Variants in SLC9A9 observed in about 807,000 individuals in gnomAD.
SLC9A9 encodes sodium/hydrogen exchanger 9.
A neutral mutation model predicts 77.8 loss-of-function variants in SLC9A9; 62 were observed. The ratio of observed to expected loss-of-function variants is 0.80; its 90% confidence interval spans 0.65 to 0.98. The LOEUF (loss-of-function observed/expected upper bound fraction) is 0.98. Ranked by LOEUF, SLC9A9 falls within the 50% of genes least tolerant of loss-of-function variation. The probability of loss-of-function intolerance (pLI) is 0.00; values close to 1 mark genes in which losing one functional copy is unlikely to be tolerated. For missense variants in SLC9A9, 775 were observed against 774.9 expected, an observed-to-expected ratio of 1.00 and a Z score of 0.00; for synonymous variants, 320 against 283.5, an observed-to-expected ratio of 1.13 and a Z score of -1.29.
At chr3:143,847,680 G>A (rs1003158473) in intron 1 of SLC9A9, 1 of 166,350 alleles carries the variant, frequency 6.0e-6, no homozygotes, top group Non-Finnish European at 1.3e-5. Context: ...CTTAAGAGGG[G>A]TGGGGTTAGT....
chr3:143,307,192 A>G (rs2030823458), intron 14 of SLC9A9, among the ~76,000 whole-genome samples: 1 of 152,164 alleles, frequency 6.6e-6, no homozygotes, highest in African/African-American at 2.4e-5. Flanking sequence ...TGGCAGATTG[A>G]TATTAGCTAT....
chr3:143,293,821 A>G (rs1240357469), intron 14 of SLC9A9, among the ~76,000 whole-genome samples: 1 of 152,200 alleles, frequency 6.6e-6, no homozygotes, highest in Non-Finnish European at 1.5e-5. Context: ...AGTATTTACT[A>G]ATACTGAAGA....
chr3:143,761,401 A>G (rs547229128), intron 4 of SLC9A9, among the ~76,000 whole-genome samples: 5 of 152,354 alleles, frequency 3.3e-5, no homozygotes, highest in African/African-American at 9.6e-5. Flanking sequence ...CAGAGTGAAC[A>G]GGCAACCTAC....
Position 143,479,168 on chromosome 3 carries a change from T to C in SLC9A9, c.1316-11978A>G, listed in dbSNP as rs144873955. ...AATGTCTAAGCAGATTGTGACAATT[T>C]ATATGTGTGAACTTGTTGGGGTGGG... On this transcript the variant is annotated intron_variant, in intron 11 of 15. Transcript: ENST00000316549. Among the ~76,000 whole-genome samples, 25 of 152,376 alleles carry C rather than the reference T, an allele frequency of 1.6e-4. No individual in the cohort carries two copies. The East Asian group carries it at 4.8e-3, about 29-fold the overall frequency.
At chr3:143,379,674 A>G (rs909605881) in intron 13 of SLC9A9, among the ~76,000 whole-genome samples, 1 of 152,206 alleles carries the variant, frequency 6.6e-6, no homozygotes, top group Non-Finnish European at 1.5e-5. Context: ...CTTTAAAAAC[A>G]TAGTGATGTT....
intron 11 of SLC9A9, among the ~76,000 whole-genome samples, chr3:143,476,025 T>A (rs1478393497): frequency 9.3e-6 from 1 of 106,978 alleles, no homozygotes; most frequent in South Asian, 2.7e-4. Flanking sequence ...AGTCTTATTA[T>A]CAATCTGTTA....
intron 6 of SLC9A9, among the ~76,000 whole-genome samples, chr3:143,648,521 T>C (rs1193012742): frequency 6.6e-6 from 1 of 152,234 alleles, no homozygotes; most frequent in African/African-American, 2.4e-5. Flanking sequence ...TGTGGCCCAG[T>C]TCCTAACAGG....
At chr3:143,439,467 A>G (rs371901842) in intron 12 of SLC9A9, among the ~76,000 whole-genome samples, 11 of 117,224 alleles carry the variant, frequency 9.4e-5, no homozygotes, top group African/African-American at 3.6e-4. Flanking sequence ...GACCGTGGAG[A>G]AGAAGTCACC....
intron 14 of SLC9A9, among the ~76,000 whole-genome samples, chr3:143,353,891 T>C (rs999342976): frequency 1.3e-5 from 2 of 152,206 alleles, no homozygotes; most frequent in Non-Finnish European, 2.9e-5. Context: ...CAATAAGATC[T>C]GTGACAGAAA....
At chr3:143,604,167 T>C (rs937256858) in intron 6 of SLC9A9, among the ~76,000 whole-genome samples, 37 of 152,222 alleles carry the variant, frequency 2.4e-4, no homozygotes, top group African/African-American at 8.9e-4. Flanking sequence ...CACATTTTTT[T>C]TAAGAAAGTG....
At chr3:143,316,812 C>T (rs1354509834) in intron 14 of SLC9A9, among the ~76,000 whole-genome samples, 1 of 152,092 alleles carries the variant, frequency 6.6e-6, no homozygotes, top group African/African-American at 2.4e-5. Context: ...GCACTTAAGA[C>T]GTTTTACCAG....
chr3:143,487,987 T>C (rs1023695198), intron 11 of SLC9A9, among the ~76,000 whole-genome samples: 3 of 151,742 alleles, frequency 2.0e-5, no homozygotes, highest in African/African-American at 7.2e-5. Context: ...TTGACAAACC[T>C]TTAACTAGAT....
chr3:143,815,315 C>T (rs767707890), intron 2 of SLC9A9, among the ~76,000 whole-genome samples: 3 of 152,108 alleles, frequency 2.0e-5, no homozygotes, highest in African/African-American at 7.2e-5. Context: ...ACATGGCAGG[C>T]ACTTGTCAAA....
At chr3:143,402,482 ACTTT>A (rs2033885535) in intron 12 of SLC9A9, among the ~76,000 whole-genome samples, 2 of 137,294 alleles carry the variant, frequency 1.5e-5, no homozygotes, top group African/African-American at 2.7e-5. Flanking sequence ...ACTGAAAGAT[ACTTT>A]CTTTAATGTT....
intron 2 of SLC9A9, among the ~76,000 whole-genome samples, chr3:143,829,691 G>A (rs900013484): frequency 6.6e-6 from 1 of 152,098 alleles, no homozygotes; most frequent in Non-Finnish European, 1.5e-5. Context: ...CATATATTAA[G>A]CATTCAAACA....
intron 14 of SLC9A9, among the ~76,000 whole-genome samples, chr3:143,325,169 T>C (rs750173543): frequency 1.3e-5 from 2 of 152,120 alleles, no homozygotes; most frequent in Non-Finnish European, 2.9e-5. Context: ...CTCCTTGAAT[T>C]TGTCTTTATT....
intron 14 of SLC9A9, chr3:143,342,137 C>T (rs997255798): frequency 2.6e-5 from 4 of 152,074 alleles, no homozygotes; most frequent in Admixed American, 2.0e-4. Context: ...ATTGAAGCTG[C>T]TTGTTGGGTC....
intron 9 of SLC9A9, chr3:143,517,326 C>T (rs1198161247): frequency 2.4e-6 from 3 of 1,239,630 alleles, no homozygotes; most frequent in Non-Finnish European, 3.5e-6. Context: ...GGCATGCCCC[C>T]TCCCATTCCA....
intron 14 of SLC9A9, among the ~76,000 whole-genome samples, chr3:143,287,315 T>C (rs949740356): frequency 6.6e-6 from 1 of 152,044 alleles, no homozygotes; most frequent in African/African-American, 2.4e-5. Flanking sequence ...AGAAACTCAC[T>C]AATAAAGCAA....
Sources: gnomAD v4.1 joint callset for allele counts (sites outside exome capture counted in the v4.1 genomes callset) on GRCh38, gnomAD v4.1.1 for gene constraint, MANE v1.5 for transcripts, NCBI Gene and HGNC (gene_info 2026-07-23, HGNC 2026-07-21) for gene names.